The following B4GALNT1 variants were observed in gnomAD, a reference collection of about 807,000 sequenced individuals.
B4GALNT1 encodes beta-1,4 N-acetylgalactosaminyltransferase 1.
B4GALNT1 carries 43 observed loss-of-function variants against 55.2 expected under a neutral mutation model. The observed-to-expected ratio is 0.78, with a 90% CI of 0.61 to 1.00. B4GALNT1 has a LOEUF of 1.00. Ranked by LOEUF, B4GALNT1 falls within the 50% of genes least tolerant of loss-of-function variation. The pLI is 0.00. For synonymous variants in B4GALNT1, 305 were observed against 311.6 expected (o/e 0.98, Z 0.22); for missense variants, 664 against 729.7 (o/e 0.91, Z 1.04).
In B4GALNT1 at chr12:57,629,101, A is replaced by G; in HGVS notation, c.758T>C (p.Ile253Thr). 6.3e-7 allele frequency: 1 copy of G among 1,599,640 alleles called. No homozygotes were observed. The highest frequency in any genetic ancestry group is 8.6e-7 in the Non-Finnish European group (1 of 1,169,404). ...CAGCCGAGGGTTGGGCGGGTGTCTT[A>G]TGCGGATAGTGAAAGCAGCCTCATG... is the stretch of plus-strand genomic sequence containing the variant. ...EGHEAAFTIR[I>T]RHPPNPRLYP... The change falls in exon 7 of 11, where the codon ATA becomes ACA. Residue 253 changes from isoleucine (I) to threonine (T), a missense_variant. Physicochemically the swap from Ile to Thr is moderately conservative, Grantham distance 89. Coordinates refer to ENST00000341156, the MANE Select transcript of B4GALNT1 (RefSeq NM_001478.5).
At position 57,628,234 on chromosome 12, in the gene B4GALNT1, A is replaced by G. The variant is rs2140244660; in HGVS notation, c.1031T>C (p.Val344Ala). ...KGWFAGRNLA[V>A]SQVTTKYVLW... Reference sequence around the variant, plus strand: ...CACGTACTTGGTGGTTACTTGAGACACGGCCAGGTTCCGGCCTGCGAACCA... The same window carrying G: ...CACGTACTTGGTGGTTACTTGAGACGCGGCCAGGTTCCGGCCTGCGAACCA... The change falls in exon 9 of 11, where the codon GTG becomes GCG. Residue 344 changes from valine (V) to alanine (A), a missense_variant. By Grantham distance (64) the Val-to-Ala change is moderately conservative. Coordinates refer to ENST00000341156, the MANE Select transcript of B4GALNT1 (RefSeq NM_001478.5). 1.1e-5 allele frequency: 18 copies of G among 1,614,262 alleles called. No homozygotes were observed. Among genetic ancestry groups the G allele is most frequent in the Non-Finnish European group, 1.5e-5 (18 of 1,180,050 alleles).
chr12:57,627,692 T>C lies in B4GALNT1; in HGVS notation c.1310A>G (p.Asn437Ser). 3 of 1,612,176 alleles carry C rather than the reference T, an allele frequency of 1.9e-6. No individual in the cohort carries two copies. The highest frequency in any genetic ancestry group is 2.5e-6 in the Non-Finnish European group (3 of 1,179,004). ...PGCVVTDGVVNFFLARTDKVR... is the reference protein window; with the variant it reads ...PGCVVTDGVVSFFLARTDKVR... ...CTTGTCAGTCCGCGCCAGGAAGAAG[T>C]TAACCACGCCGTCGGTGACCACGCA... The change falls in exon 10 of 11, where the codon AAC becomes AGC. Residue 437 changes from asparagine to serine, a missense_variant. Asn to Ser is a conservative substitution (Grantham distance 46, BLOSUM62 1). Coordinates refer to ENST00000341156, the MANE Select transcript of B4GALNT1 (RefSeq NM_001478.5).
Position 57,625,865 on chromosome 12 carries a change from G to A in B4GALNT1, c.*879C>T. ...GATTGAAGACCAAATCAGGGAGCCC[G>A]GGCTGAGCTATGGGTGAGGAACTGA... On this transcript the variant is annotated 3_prime_UTR_variant, in exon 11 of 11. Transcript: ENST00000341156. 12 of 1,213,822 alleles carry A rather than the reference G, an allele frequency of 9.9e-6. No homozygotes were observed. Among genetic ancestry groups the A allele is most frequent in the East Asian group, 2.7e-5 (1 of 36,906 alleles). 75.2% of individuals were successfully genotyped at this position (1,213,822 alleles called of 1,614,324 possible). A position where few individuals can be genotyped will look rare whatever the true frequency, so the allele number is the denominator to read the frequency against.
chr12:57,626,977 A>T lies in B4GALNT1; in HGVS notation c.1385-16T>A, dbSNP rs1884855780. ...AAGAAGAATTCTGGGGGTGGAGGGGAGTACACAGTGAGGGATCCTGAGGGT... is the reference window on the plus strand; with the variant it reads ...AAGAAGAATTCTGGGGGTGGAGGGGTGTACACAGTGAGGGATCCTGAGGGT... On this transcript the variant is annotated splice_polypyrimidine_tract_variant and intron_variant, in intron 10 of 10. Transcript: ENST00000341156. The T allele has an allele frequency of 1.9e-6, 3 of 1,605,796 alleles. No homozygotes were observed. The highest frequency in any genetic ancestry group is 2.2e-5 in the South Asian group (2 of 90,432).
rs759201708 is a variant in B4GALNT1 at position 57,623,793 on chromosome 12, G to A, written c.*2951C>T. ...AAGACCAGCTCTCATGTGGGGGTGG[G>A]AGGCTCTCTTCCTTTTTTGCTCCTG... On this transcript the variant is annotated 3_prime_UTR_variant, in exon 11 of 11. Transcript: ENST00000341156. The A allele has an allele frequency of 5.7e-6, 9 of 1,570,718 alleles. No individual in the cohort carries two copies. In the South Asian group the frequency reaches 7.9e-5, roughly 14 times the overall value.
intron 6 of B4GALNT1, 78 bp from the exon 7 acceptor site, chr12:57,629,224 C>A: frequency 8.1e-7 from 1 of 1,233,418 alleles, no homozygotes; most frequent in Admixed American, 2.8e-5. Flanking sequence ...ATTTAAGTGC[C>A]TACTCTGTGT....
chr12:57,626,831 A>ACGGTAC lies in B4GALNT1; in HGVS notation c.1509_1514dup (p.Arg505_Tyr506dup). 1.2e-6 allele frequency: 2 copies of ACGGTAC among 1,614,204 alleles called. No homozygotes were observed. Among genetic ancestry groups the ACGGTAC allele is most frequent in the African/African-American group, 1.3e-5 (1 of 75,050 alleles). ...GGCTCTCGTCCAGTGATCCTGGGTA[A>ACGGTAC]CGGTACCGGGCGTAAGTCTCTGCTC... On this transcript the variant is annotated inframe_insertion, in exon 11 of 11. Coordinates refer to ENST00000341156, the MANE Select transcript of B4GALNT1 (RefSeq NM_001478.5).
Position 57,631,937 on chromosome 12 carries a change from T to C in B4GALNT1, c.196A>G (p.Arg66Gly). 1 of 1,443,400 alleles carries C rather than the reference T, an allele frequency of 6.9e-7. No individual in the cohort carries two copies. Among genetic ancestry groups the C allele is most frequent in the Non-Finnish European group, 9.1e-7 (1 of 1,098,090 alleles). The allele number at this position is 1,443,400 out of a possible 1,614,324, so 89.4% of individuals were successfully genotyped here. The change falls in exon 2 of 11, where the codon AGG (arginine) becomes GGG (glycine). Residue 66 changes from arginine to glycine, a missense_variant. By Grantham distance (125) the Arg-to-Gly change is moderately radical. Coordinates refer to ENST00000341156, the MANE Select transcript of B4GALNT1 (RefSeq NM_001478.5). ...CACCCCACTACTTGCTCCTTGATCC[T>C]GACCGGGATGTGTGCGTAGCGGGGC... is the stretch of plus-strand genomic sequence containing the variant. Reference protein sequence around the residue: ...PEPRYAHIPVRIKEQVVGLLA... With the variant: ...PEPRYAHIPVGIKEQVVGLLA...
Position 57,626,691 on chromosome 12 carries a change from G to A in B4GALNT1, c.*53C>T, listed in dbSNP as rs1360930859. ...TGGTGGGGTTTGTTGGAAATTCCTGGCAGGGACAAGGAGGCAGGCCCAGCC... is the reference window on the plus strand; with the variant it reads ...TGGTGGGGTTTGTTGGAAATTCCTGACAGGGACAAGGAGGCAGGCCCAGCC... On this transcript the variant is annotated 3_prime_UTR_variant, in exon 11 of 11. Transcript: ENST00000341156. 13 of 1,599,280 alleles carry A rather than the reference G, an allele frequency of 8.1e-6. No individual in the cohort carries two copies. Among genetic ancestry groups the A allele is most frequent in the Non-Finnish European group, 1.1e-5 (13 of 1,168,044 alleles).
In B4GALNT1 at chr12:57,625,402, C is replaced by T; in HGVS notation, c.*1342G>A. The T allele has an allele frequency of 6.2e-7, 1 of 1,614,178 alleles. No homozygotes were observed. The highest frequency in any genetic ancestry group is 8.5e-7 in the Non-Finnish European group (1 of 1,180,028). ...CTGGGACTTAACCCCTTTGCCCCAT[C>T]CCTGCAGCTGGCCAGCCGATGTCGA... On this transcript the variant is annotated 3_prime_UTR_variant, in exon 11 of 11. Transcript: ENST00000341156.
intron 2 of B4GALNT1, 23 bp downstream of exon 2, chr12:57,631,892 G>A: frequency 1.5e-6 from 2 of 1,374,432 alleles, no homozygotes; most frequent in East Asian, 2.8e-5. Context: ...GCGCTGCGCT[G>A]CGCCGCCGCG....
chr12:57,625,690 T>C lies in B4GALNT1; in HGVS notation c.*1054A>G. On this transcript the variant is annotated 3_prime_UTR_variant, in exon 11 of 11. Coordinates refer to ENST00000341156, the MANE Select transcript of B4GALNT1 (RefSeq NM_001478.5). ...GCTGCTTATGCCCTGGGGAGCCTGT[T>C]AAGGGGCAGTAGCACCAGGAGCGGG... 1 of 1,558,332 alleles carries C rather than the reference T, an allele frequency of 6.4e-7. No homozygotes were observed. The highest frequency in any genetic ancestry group is 8.7e-7 in the Non-Finnish European group (1 of 1,153,774).
chr12:57,625,223 T>A lies in B4GALNT1; in HGVS notation c.*1521A>T, dbSNP rs1884724752. ...TGGTGACACCTGGGTACTCCTGTCT[T>A]CTCCCATTCTAGTTGCTGAGCCTGT... On this transcript the variant is annotated 3_prime_UTR_variant, in exon 11 of 11. Transcript: ENST00000341156. 2.5e-6 allele frequency: 4 copies of A among 1,614,066 alleles called. No individual in the cohort carries two copies. The African/African-American group carries it at 4.0e-5, about 16-fold the overall frequency.
In B4GALNT1 at chr12:57,623,838, G is replaced by T; in HGVS notation, c.*2906C>A. On this transcript the variant is annotated 3_prime_UTR_variant, in exon 11 of 11. Transcript: ENST00000341156. ...CTCCTGTTCCTCCTTTTCTCTAGCT[G>T]GCAGGCCTCTTCTCCTGCACAGTGG... 6.2e-7 allele frequency: 1 copy of T among 1,613,510 alleles called. No individual in the cohort carries two copies.
chr12:57,624,137 C>T lies in B4GALNT1; in HGVS notation c.*2607G>A. Reference sequence around the variant, plus strand: ...TTACCCCCAGATTGCCCCCTCTCATCTTGTTAGCATCCCCAGCCTCTGCCC... The same window carrying T: ...TTACCCCCAGATTGCCCCCTCTCATTTTGTTAGCATCCCCAGCCTCTGCCC... On this transcript the variant is annotated 3_prime_UTR_variant, in exon 11 of 11. Transcript: ENST00000341156. 1 of 1,595,048 alleles carries T rather than the reference C, an allele frequency of 6.3e-7. No homozygotes were observed. Among genetic ancestry groups the T allele is most frequent in the South Asian group, 1.1e-5 (1 of 89,876 alleles).
Position 57,625,049 on chromosome 12 carries a change from G to T in B4GALNT1, c.*1695C>A. ...GTGGGAGGCAGGTGGGTGTTCTGAG[G>T]GGGATCCTTGTGCTCAAGGGGTGCA... is the stretch of plus-strand genomic sequence containing the variant. On this transcript the variant is annotated 3_prime_UTR_variant, in exon 11 of 11. Transcript: ENST00000341156. The T allele has an allele frequency of 6.2e-7, 1 of 1,613,638 alleles. No homozygotes were observed. The highest frequency in any genetic ancestry group is 1.7e-5 in the Admixed American group (1 of 60,032).
At chr12:57,628,031 G>A in intron 9 of B4GALNT1, 91 bp downstream of exon 9, 1 of 1,558,466 alleles carries the variant, frequency 6.4e-7, no homozygotes, top group South Asian at 1.2e-5. Flanking sequence ...TTTGTCCTAG[G>A]GCTGGCCGTT....
chr12:57,623,993 C>A lies in B4GALNT1; in HGVS notation c.*2751G>T. The A allele has an allele frequency of 1.2e-6, 2 of 1,611,816 alleles. No individual in the cohort carries two copies. Among genetic ancestry groups the A allele is most frequent in the Non-Finnish European group, 1.7e-6 (2 of 1,178,616 alleles). On this transcript the variant is annotated 3_prime_UTR_variant, in exon 11 of 11. Transcript: ENST00000341156. ...CATCGAGGTAGTCAGCCCACCTCCT[C>A]TGCCTCAAGGCTGTCCTGGCTTGCA...
In B4GALNT1 at chr12:57,628,179, C is replaced by T. The variant is rs779037403; in HGVS notation, c.1086G>A (p.Thr362=). The change falls in exon 9 of 11, where the codon ACG becomes ACA. Residue 362 remains threonine, a synonymous_variant. Transcript: ENST00000341156. ...VLWVDDDFVF[T]ARTRLERLVD... ...CAAGCCTCTCCAGCCGCGTCCGCGC[C>T]GTGAAGACGAAGTCGTCGTCCACCC... is the stretch of plus-strand genomic sequence containing the variant. 9 of 1,614,156 alleles carry T rather than the reference C, an allele frequency of 5.6e-6. No homozygotes were observed. In the East Asian group the frequency reaches 8.9e-5, roughly 16 times the overall value.
Sources: gnomAD v4.1 joint callset for allele counts on GRCh38, gnomAD v4.1.1 for gene constraint, MANE v1.5 for transcripts, NCBI Gene and HGNC (gene_info 2026-07-23, HGNC 2026-07-21) for gene names.